The following RAD50 variants were observed in gnomAD, a reference collection of about 807,000 sequenced individuals.
The protein encoded by RAD50 is DNA repair protein RAD50.
In RAD50, 132 loss-of-function variants were observed where a neutral mutation model predicts 168.8. That is an observed-to-expected ratio of 0.78 (90% CI 0.68 to 0.90). The LOEUF is 0.90. Among genes scored for constraint, RAD50 ranks in the 40% least tolerant of loss-of-function variants. The probability of loss-of-function intolerance (pLI) is 0.00; values close to 1 mark genes in which losing one functional copy is unlikely to be tolerated. For synonymous variants in RAD50, 525 were observed against 497.4 expected (o/e 1.06, Z -0.74); for missense variants, 1,347 against 1,534.4 (o/e 0.88, Z 2.04).
intron 2 of RAD50, among the ~76,000 whole-genome samples, chr5:132,573,348 C>A (rs1345680236): frequency 3.3e-5 from 5 of 152,312 alleles, no homozygotes; most frequent in Middle Eastern, 3.4e-3. Flanking sequence ...TCATGTCTCA[C>A]ATGGTGGCAA....
chr5:132,645,326 T>G lies in RAD50; in HGVS notation c.*2962T>G, dbSNP rs1003345569. ...TCCATGGCTCATCATTATGTCACCC[T>G]CCACTGCATTGTACTCAAACTGTCC... On this transcript the variant is annotated 3_prime_UTR_variant, in exon 25 of 25. Transcript: ENST00000378823. 2 of 152,264 alleles carry G rather than the reference T, an allele frequency of 1.3e-5. No individual in the cohort carries two copies. Among genetic ancestry groups the G allele is most frequent in the Non-Finnish European group, 2.9e-5 (2 of 68,050 alleles). The allele number at this position is 152,264 out of a possible 1,614,324, so 9.4% of individuals were successfully genotyped here.
intron 21 of RAD50, among the ~76,000 whole-genome samples, chr5:132,634,581 G>A (rs1751538083): frequency 6.6e-6 from 1 of 151,824 alleles, no homozygotes; most frequent in South Asian, 2.1e-4. Flanking sequence ...AATCGTTAGG[G>A]ATTTCCAGGA....
chr5:132,556,995 C>T lies in RAD50; in HGVS notation c.-330C>T, dbSNP rs1432957439. 2.5e-5 allele frequency: 21 copies of T among 831,168 alleles called. No individual in the cohort carries two copies. Among genetic ancestry groups the T allele is most frequent in the Non-Finnish European group, 3.6e-5 (21 of 587,110 alleles). The allele number at this position is 831,168 out of a possible 1,614,324, so 51.5% of individuals were successfully genotyped here. A position where few individuals can be genotyped will look rare whatever the true frequency, so the allele number is the denominator to read the frequency against. ...GAGGCCCACGTGATCCGCAGGGCGG[C>T]CGAGGCAGGAAGCTGTGAGTGCGCG... On this transcript the variant is annotated 5_prime_UTR_variant, in exon 1 of 25. Coordinates refer to ENST00000378823, the MANE Select transcript of RAD50 (RefSeq NM_005732.4).
Position 132,645,710 on chromosome 5 carries a change from G to A in RAD50, c.*3346G>A, listed in dbSNP as rs1751834992. The stretch of plus-strand genomic sequence containing the variant: ...GGCAATTAGAGTTTGGTGCCCCAGG[G>A]AGACTCTGGGGAGTTTGGCAAAATA... On this transcript the variant is annotated 3_prime_UTR_variant, in exon 25 of 25. Coordinates refer to ENST00000378823, the MANE Select transcript of RAD50 (RefSeq NM_005732.4). 1 of 152,164 alleles carries A rather than the reference G, an allele frequency of 6.6e-6. No homozygotes were observed. Among genetic ancestry groups the A allele is most frequent in the Non-Finnish European group, 1.5e-5 (1 of 68,026 alleles). 9.4% of individuals were successfully genotyped at this position (152,164 alleles called of 1,614,324 possible). A position where few individuals can be genotyped will look rare whatever the true frequency, so the allele number is the denominator to read the frequency against.
Position 132,643,968 on chromosome 5 carries a change from G to A in RAD50, c.*1604G>A, listed in dbSNP as rs1235108450. On this transcript the variant is annotated 3_prime_UTR_variant, in exon 25 of 25. Coordinates refer to ENST00000378823, the MANE Select transcript of RAD50 (RefSeq NM_005732.4). ...CTAGCTTTAGCAAACTCACAGTTTT[G>A]CAAATAATATTTTCTTAATGTTATC... is the stretch of plus-strand genomic sequence containing the variant. 1 of 227,580 alleles carries A rather than the reference G, an allele frequency of 4.4e-6. No homozygotes were observed. The allele number at this position is 227,580 out of a possible 1,614,324, so 14.1% of individuals were successfully genotyped here.
At chr5:132,576,416 T>C (rs1189196170) in intron 3 of RAD50, among the ~76,000 whole-genome samples, 1 of 152,252 alleles carries the variant, frequency 6.6e-6, no homozygotes, top group Non-Finnish European at 1.5e-5. Flanking sequence ...GGTATCATTT[T>C]CTAATGGATA....
At chr5:132,606,871 CATGAT>C (rs1264735091) in intron 16 of RAD50, among the ~76,000 whole-genome samples, 1 of 152,170 alleles carries the variant, frequency 6.6e-6, no homozygotes, top group African/African-American at 2.4e-5. Context: ...ACAAAAACCA[CATGAT>C]TATCCCAATA....
intron 2 of RAD50, among the ~76,000 whole-genome samples, chr5:132,565,265 C>A (rs1750186776): frequency 1.3e-5 from 2 of 149,434 alleles, no homozygotes; most frequent in Non-Finnish European, 3.0e-5. Context: ...ATTAAACCTC[C>A]TTTCATTATA....
chr5:132,630,782 G>C (rs1751449152), intron 21 of RAD50: 1 of 152,192 alleles, frequency 6.6e-6, no homozygotes, highest in Admixed American at 6.5e-5. Flanking sequence ...TCCAGTCATG[G>C]GTTCTTAGCT....
chr5:132,639,169 A>G (rs1358485942), intron 23 of RAD50, among the ~76,000 whole-genome samples: 2 of 152,028 alleles, frequency 1.3e-5, no homozygotes, highest in Non-Finnish European at 2.9e-5. Flanking sequence ...CCAGCCTAAC[A>G]TGGTGAAACT....
At chr5:132,635,126 A>G (rs1308535684) in intron 21 of RAD50, among the ~76,000 whole-genome samples, 1 of 152,180 alleles carries the variant, frequency 6.6e-6, no homozygotes, top group Non-Finnish European at 1.5e-5. Flanking sequence ...TTTCAATTTT[A>G]ACTGTCATAT....
chr5:132,588,654 G>A, intron 7 of RAD50, 33 bp from the exon 8 acceptor site: 1 of 1,572,760 alleles, frequency 6.4e-7, no homozygotes, highest in South Asian at 1.1e-5. Context: ...AGCACCAGTT[G>A]AAAAAAAAAT....
chr5:132,569,624 C>A (rs565740780), intron 2 of RAD50, among the ~76,000 whole-genome samples: 1 of 152,214 alleles, frequency 6.6e-6, no homozygotes. Flanking sequence ...CACTGTTAAC[C>A]AAATCAACCT....
chr5:132,604,164 A>G (rs1750939597), intron 15 of RAD50, 118 bp downstream of exon 15: 1 of 1,271,284 alleles, frequency 7.9e-7, no homozygotes, highest in Admixed American at 2.0e-5. Context: ...GTCCACATAT[A>G]TTTGCTCTTT....
At chr5:132,558,509 G>A (rs1389304214) in intron 1 of RAD50, among the ~76,000 whole-genome samples, 6 of 152,000 alleles carry the variant, frequency 3.9e-5, no homozygotes, top group Non-Finnish European at 7.4e-5. Flanking sequence ...TCAGGAGTTC[G>A]AGACCAGCCT....
intron 1 of RAD50, among the ~76,000 whole-genome samples, chr5:132,558,782 C>T (rs1057248229): frequency 6.7e-6 from 1 of 149,634 alleles, no homozygotes; most frequent in Non-Finnish European, 1.5e-5. Context: ...GACTGTAATC[C>T]GAGCCGTTTG....
chr5:132,574,456 T>A (rs552835883), intron 2 of RAD50, among the ~76,000 whole-genome samples: 1 of 152,282 alleles, frequency 6.6e-6, no homozygotes, highest in East Asian at 1.9e-4. Context: ...CACGAAACTA[T>A]TTTTTCTTCC....
In RAD50 at chr5:132,580,224, CTT is replaced by C. The variant is rs1257719329; in HGVS notation, c.756+159_756+160del. Reference sequence around the variant, plus strand: ...GGTGAGAACACTTAAAATCTACTCTCTTAGCAATTATATATTGTTATTAACTA... The same window carrying C: ...GGTGAGAACACTTAAAATCTACTCTCAGCAATTATATATTGTTATTAACTA... On this transcript the variant is annotated intron_variant, in intron 5 of 24. Transcript: ENST00000378823. 2.6e-5 allele frequency among the ~76,000 whole-genome samples: 4 copies of C among 152,222 alleles called. No homozygotes were observed. In the East Asian group the frequency reaches 5.8e-4, roughly 22 times the overall value.
chr5:132,635,133 A>G (rs1402563148), intron 21 of RAD50, among the ~76,000 whole-genome samples: 6 of 152,216 alleles, frequency 3.9e-5, no homozygotes, highest in Non-Finnish European at 7.3e-5. Context: ...TTTAACTGTC[A>G]TATTCAAGGG....
Sources: allele counts gnomAD v4.1 joint callset (sites outside exome capture counted in the v4.1 genomes callset), GRCh38; gene constraint gnomAD v4.1.1; transcripts MANE v1.5; gene names NCBI Gene and HGNC (gene_info 2026-07-23, HGNC 2026-07-21).